The following LYST variants were observed in gnomAD, a reference collection of about 807,000 sequenced individuals.
LYST encodes lysosomal-trafficking regulator.
LYST carries 192 observed loss-of-function variants against 413.6 expected under a neutral mutation model. The observed-to-expected ratio is 0.46, with a 90% CI of 0.41 to 0.52. The LOEUF (loss-of-function observed/expected upper bound fraction) is 0.52, where lower values mean the gene tolerates loss of function less well. LYST is among the 20% of genes least tolerant of loss of function. LYST has a pLI of 0.00. For synonymous variants in LYST, 1,525 were observed against 1,567.3 expected (o/e 0.97, Z 0.64); for missense variants, 3,815 against 4,499.9 (o/e 0.85, Z 4.35).
intron 2 of LYST, among the ~76,000 whole-genome samples, chr1:235,832,868 T>A (rs1035145168): frequency 6.6e-6 from 1 of 152,108 alleles, no homozygotes; most frequent in African/African-American, 2.4e-5. Flanking sequence ...TTGCCATTAT[T>A]ATGAATGGGA....
chr1:235,869,438 G>T (rs1680833167), upstream of LYST, among the ~76,000 whole-genome samples: 1 of 152,094 alleles, frequency 6.6e-6, no homozygotes, highest in South Asian at 2.1e-4. Flanking sequence ...CGCCACTACA[G>T]TCTGGCCCGG....
chr1:235,738,807 G>A, intron 31 of LYST: 1 of 850,762 alleles, frequency 1.2e-6, no homozygotes, highest in Admixed American at 1.7e-5. Flanking sequence ...TCTTAGGCGG[G>A]TGCACCCAAT....
chr1:235,715,455 C>T, intron 41 of LYST, 98 bp from the exon 42 acceptor site: 1 of 1,130,782 alleles, frequency 8.8e-7, no homozygotes, highest in South Asian at 1.3e-5. Context: ...CTCTACTACC[C>T]CTTTGAGGCC....
chr1:235,746,237 A>G lies in LYST; in HGVS notation c.7972+99T>C, dbSNP rs1380672898. On this transcript the variant is annotated intron_variant, in intron 29 of 52. Transcript: ENST00000389793. ...CTATGGATGTTAAGAACTGAAAAAT[A>G]ATGCTGCTTAAACATCTGAAAACCA... 17 of 972,750 alleles carry G rather than the reference A, an allele frequency of 1.7e-5. 1 individual carries two copies. The South Asian group carries it at 2.0e-4, about 12-fold the overall frequency. The allele number at this position is 972,750 out of a possible 1,614,324, so 60.3% of individuals were successfully genotyped here.
In LYST at chr1:235,813,052, A is replaced by T. The variant is rs1673631891; in HGVS notation, c.202T>A (p.Cys68Ser). The change falls in exon 4 of 53, where the codon TGT becomes AGT. Residue 68 changes from cysteine to serine, a missense_variant. By Grantham distance (112) the Cys-to-Ser change is moderately radical (BLOSUM62 -1). Coordinates refer to ENST00000389793, the MANE Select transcript of LYST (RefSeq NM_000081.4). ...LNSIIDQALTCREELLTLLLS... is the reference protein window; with the variant it reads ...LNSIIDQALTSREELLTLLLS... ...AGAAGAGTCAGGAGTTCTTCTCTAC[A>T]TGTCAATGCCTATGTCAGTAACAAA... is the stretch of plus-strand genomic sequence containing the variant. 6.3e-7 allele frequency: 1 copy of T among 1,582,154 alleles called. No individual in the cohort carries two copies. Among genetic ancestry groups the T allele is most frequent in the Admixed American group, 1.7e-5 (1 of 59,938 alleles).
chr1:235,806,637 A>G lies in LYST; in HGVS notation c.2499T>C (p.Asp833=), dbSNP rs756566909. The change falls in exon 6 of 53, where the codon GAT becomes GAC. Residue 833 remains aspartate (D), a synonymous_variant. Transcript: ENST00000389793. ...TCCCATCAATATCTGGAACTGAGGC[A>G]TCTTTCTGTTGCTCCCCTAGGCTGA... ...LIISLGEQQK[D]ASVPDIDGID... is the part of the protein sequence containing the mutation. 1 of 1,614,088 alleles carries G rather than the reference A, an allele frequency of 6.2e-7. No homozygotes were observed. Among genetic ancestry groups the G allele is most frequent in the South Asian group, 1.1e-5 (1 of 91,088 alleles).
chr1:235,846,981 T>C (rs1297359158), intron 1 of LYST, among the ~76,000 whole-genome samples: 5 of 152,156 alleles, frequency 3.3e-5, no homozygotes, highest in African/African-American at 1.2e-4. Flanking sequence ...AAAACTTCCC[T>C]GGCCTTGCTA....
chr1:235,833,946 A>C (rs60142026), intron 1 of LYST, among the ~76,000 whole-genome samples: 9,246 of 152,252 alleles, frequency 0.061, 939 homozygotes, highest in African/African-American at 0.21. Flanking sequence ...AGTTAACTGC[A>C]AAGGAGAATT....
chr1:235,730,442 C>T (rs1231977556), intron 36 of LYST, among the ~76,000 whole-genome samples: 2 of 151,782 alleles, frequency 1.3e-5, no homozygotes, highest in East Asian at 1.9e-4. Flanking sequence ...GATGATACCA[C>T]CAGCAGCTCT....
In LYST at chr1:235,766,213, A is replaced by G. The variant is rs369647943; in HGVS notation, c.5987T>C (p.Ile1996Thr). 1.6e-5 allele frequency: 26 copies of G among 1,613,428 alleles called. No individual in the cohort carries two copies. The highest frequency in any genetic ancestry group is 5.0e-5 in the Admixed American group (3 of 59,968). Residue 1996 changes from isoleucine (I) to threonine (T), a missense_variant, in exon 21 of 53, where the codon ATA becomes ACA. By Grantham distance (89) the Ile-to-Thr change is moderately conservative. Around this residue, in one of 4 missense-constraint regions of LYST, gnomAD observed 530 missense variants for 696.5 expected, o/e 0.76. Transcript: ENST00000389793. Reference protein sequence around the residue: ...REVCRSFVKIIAEVLGSPPDL... With the variant: ...REVCRSFVKITAEVLGSPPDL... ...TGGAGGAGATCCAAGGACTTCTGCT[A>G]TAATTTTCACAAATGATCTACAAAC...
Position 235,734,670 on chromosome 1 carries a change from A to G in LYST, c.8359-11T>C. On this transcript the variant is annotated splice_polypyrimidine_tract_variant and intron_variant, in intron 31 of 52. Transcript: ENST00000389793. ...TAACTTGGCTCCATGCTTTAAAAAA[A>G]GTAATAATTTTTTAGTCATTTAGAA... The G allele has an allele frequency of 6.3e-7, 1 of 1,584,656 alleles. No homozygotes were observed. The highest frequency in any genetic ancestry group is 8.6e-7 in the Non-Finnish European group (1 of 1,158,334).
intron 44 of LYST, among the ~76,000 whole-genome samples, chr1:235,704,332 A>G (rs1243696483): frequency 6.6e-6 from 1 of 152,206 alleles, no homozygotes; most frequent in African/African-American, 2.4e-5. Context: ...GAATCACCAC[A>G]CTGCCTTCCA....
At position 235,810,188 on chromosome 1, in the gene LYST, G is replaced by A; in HGVS notation, c.630C>T (p.Thr210=). 6.2e-7 allele frequency: 1 copy of A among 1,614,102 alleles called. No homozygotes were observed. Among genetic ancestry groups the A allele is most frequent in the Non-Finnish European group, 8.5e-7 (1 of 1,179,994 alleles). ...TAGCATCTGGAGGAGTCTGTTCTTTGGTTGCTAAGCGGTCAAGTTTAGCTT... is the reference window on the plus strand; with the variant it reads ...TAGCATCTGGAGGAGTCTGTTCTTTAGTTGCTAAGCGGTCAAGTTTAGCTT... ...HPKAKLDRLA[T]KEQTPPDAMA... Residue 210 remains threonine, a synonymous_variant, in exon 5 of 53, where the codon ACC becomes ACT. Coordinates refer to ENST00000389793, the MANE Select transcript of LYST (RefSeq NM_000081.4).
At chr1:235,741,207 T>C (rs1312555481) in intron 31 of LYST, among the ~76,000 whole-genome samples, 1 of 152,178 alleles carries the variant, frequency 6.6e-6, no homozygotes, top group Admixed American at 6.5e-5. Flanking sequence ...AACTTCTTAA[T>C]TTAGGCACTA....
chr1:235,792,083 T>C lies in LYST; in HGVS notation c.4159A>G (p.Thr1387Ala), dbSNP rs1671063830. 1 of 1,612,486 alleles carries C rather than the reference T, an allele frequency of 6.2e-7. No homozygotes were observed. Among genetic ancestry groups the C allele is most frequent in the Non-Finnish European group, 8.5e-7 (1 of 1,178,716 alleles). ...AGATACTGTGAAGGGCTCATAGTAGTATCACTTTCAATAATTTTCAGAATA... is the reference window on the plus strand; with the variant it reads ...AGATACTGTGAAGGGCTCATAGTAGCATCACTTTCAATAATTTTCAGAATA... ...LGILKIIESD[T>A]TMSPSQYLTF... The change falls in exon 12 of 53, where the codon ACT (threonine) becomes GCT (alanine). Residue 1387 changes from threonine (T) to alanine (A), a missense_variant. Coordinates refer to ENST00000389793, the MANE Select transcript of LYST (RefSeq NM_000081.4).
In LYST at chr1:235,741,521, C is replaced by T. The variant is rs116017878; in HGVS notation, c.8259G>A (p.Ser2753=). 69 of 1,613,864 alleles carry T rather than the reference C, an allele frequency of 4.3e-5. No individual in the cohort carries two copies. Among genetic ancestry groups the T allele is most frequent in the South Asian group, 2.0e-4 (18 of 91,070 alleles). ...QLGRLLVHIL[S]PAHAAQERKQ... ...TTCTCTCTTGTGCAGCGTGGGCTGG[C>T]GACAAAATATGCACTAGTAGTCTCC... Residue 2753 remains serine, a synonymous_variant, in exon 31 of 53, where the codon TCG becomes TCA. Coordinates refer to ENST00000389793, the MANE Select transcript of LYST (RefSeq NM_000081.4).
intron 3 of LYST, among the ~76,000 whole-genome samples, chr1:235,815,866 C>T (rs1674000835): frequency 6.6e-6 from 1 of 152,130 alleles, no homozygotes; most frequent in African/African-American, 2.4e-5. Context: ...GGCGCGGTGG[C>T]TCACGCCTGT....
chr1:235,710,747 G>T (rs1662344650), intron 43 of LYST, among the ~76,000 whole-genome samples: 2 of 152,338 alleles, frequency 1.3e-5, no homozygotes, highest in Admixed American at 1.3e-4. Flanking sequence ...CAGTGGAAGT[G>T]ATGCTGCGTG....
intron 14 of LYST, among the ~76,000 whole-genome samples, chr1:235,783,613 C>T (rs1366404584): frequency 6.6e-6 from 1 of 151,786 alleles, no homozygotes; most frequent in Non-Finnish European, 1.5e-5. Flanking sequence ...CAAACCTGCA[C>T]GTTCTGCACA....
Sources: allele counts gnomAD v4.1 joint callset (sites outside exome capture counted in the v4.1 genomes callset), GRCh38; gene constraint gnomAD v4.1.1; regional missense constraint gnomAD v4.1.1; transcripts MANE v1.5; gene names NCBI Gene and HGNC (gene_info 2026-07-23, HGNC 2026-07-21).